The following ZFYVE9 variants were observed in gnomAD, a reference collection of about 807,000 sequenced individuals.
ZFYVE9 encodes zinc finger FYVE-type containing 9, also known as zinc finger FYVE domain-containing protein 9.
Under a neutral mutation model 126.7 loss-of-function variants are expected in ZFYVE9, and 43 were observed. The ratio of observed to expected loss-of-function variants is 0.34; its 90% confidence interval spans 0.27 to 0.44. ZFYVE9 has a LOEUF of 0.44. Among genes scored for constraint, ZFYVE9 ranks in the 20% least tolerant of loss-of-function variants. The pLI is 1.00. For synonymous variants in ZFYVE9, 521 were observed against 597.4 expected, an observed-to-expected ratio of 0.87 and a Z score of 1.87; for missense variants, 1,476 against 1,697.0, an observed-to-expected ratio of 0.87 and a Z score of 2.29.
chr1:52,300,255 A>T (rs896786081), intron 12 of ZFYVE9, among the ~76,000 whole-genome samples: 3 of 152,112 alleles, frequency 2.0e-5, no homozygotes, highest in Admixed American at 6.6e-5. Context: ...ACTCCAGTCA[A>T]CCATCTTGCT....
At chr1:52,337,420 G>C (rs1646399422) in intron 15 of ZFYVE9, among the ~76,000 whole-genome samples, 1 of 152,232 alleles carries the variant, frequency 6.6e-6, no homozygotes, top group Non-Finnish European at 1.5e-5. Context: ...TGAGAGAGAT[G>C]GAGATGCAAA....
chr1:52,233,416 G>T, intron 3 of ZFYVE9, 140 bp downstream of exon 3: 2 of 463,932 alleles, frequency 4.3e-6, no homozygotes, highest in South Asian at 9.0e-5. Flanking sequence ...TACAGGGGAA[G>T]AAATAACATT....
chr1:52,309,261 G>A (rs1402865810), intron 13 of ZFYVE9, among the ~76,000 whole-genome samples: 3 of 152,178 alleles, frequency 2.0e-5, no homozygotes, highest in Non-Finnish European at 4.4e-5. Context: ...CAGATTGCTT[G>A]AGCCTAGGAT....
intron 1 of ZFYVE9, among the ~76,000 whole-genome samples, chr1:52,212,024 A>G (rs1378843541): frequency 6.6e-5 from 10 of 152,186 alleles, no homozygotes; most frequent in Non-Finnish European, 1.5e-4. Context: ...ACGTTCCTTC[A>G]TATTACAGTT....
intron 4 of ZFYVE9, among the ~76,000 whole-genome samples, chr1:52,246,535 G>GGT (rs1553128445): frequency 1.1e-4 from 15 of 136,596 alleles, no homozygotes; most frequent in African/African-American, 4.0e-4. Context: ...TTTTTCCTGG[G>GGT]TTTTTTTTTT....
chr1:52,317,805 G>A (rs565888449), intron 13 of ZFYVE9, among the ~76,000 whole-genome samples: 8 of 152,092 alleles, frequency 5.3e-5, no homozygotes, highest in South Asian at 2.1e-4. Context: ...GTCAGTGTGC[G>A]TTCAACTTAG....
intron 1 of ZFYVE9, among the ~76,000 whole-genome samples, chr1:52,197,609 A>G (rs1644872859): frequency 2.2e-5 from 1 of 46,156 alleles, no homozygotes; most frequent in Non-Finnish European, 7.4e-5. Flanking sequence ...AAAAAAAAAT[A>G]GAAGAAAGTA....
chr1:52,290,378 A>G (rs1228896088), intron 10 of ZFYVE9, among the ~76,000 whole-genome samples: 1 of 152,180 alleles, frequency 6.6e-6, no homozygotes, highest in African/African-American at 2.4e-5. Flanking sequence ...TTTCCAACAC[A>G]TGCTTTTTGA....
intron 1 of ZFYVE9, among the ~76,000 whole-genome samples, chr1:52,215,928 C>G (rs1394702268): frequency 6.6e-6 from 1 of 152,070 alleles, no homozygotes; most frequent in Non-Finnish European, 1.5e-5. Context: ...AAAATCACAA[C>G]TGGAAACTTG....
intron 1 of ZFYVE9, among the ~76,000 whole-genome samples, chr1:52,168,854 C>T (rs1430681042): frequency 1.3e-5 from 2 of 152,084 alleles, no homozygotes; most frequent in Non-Finnish European, 2.9e-5. Flanking sequence ...GATGAGGTAT[C>T]AGGTTTCTTT....
At chr1:52,224,805 C>T (rs555140299) in intron 2 of ZFYVE9, among the ~76,000 whole-genome samples, 7 of 152,238 alleles carry the variant, frequency 4.6e-5, no homozygotes, top group South Asian at 4.1e-4. Flanking sequence ...CCCATCCTGG[C>T]GGTTGGTGAG....
intron 9 of ZFYVE9, among the ~76,000 whole-genome samples, chr1:52,279,357 TGTTAACTAACACACA>T (rs1336844083): frequency 1.3e-5 from 2 of 152,152 alleles, no homozygotes; most frequent in African/African-American, 4.8e-5. Flanking sequence ...TTAGGAAAAG[TGTTAACTAACACACA>T]GTAAAGCTTC....
intron 8 of ZFYVE9, among the ~76,000 whole-genome samples, chr1:52,275,127 A>G (rs1485802354): frequency 6.6e-6 from 1 of 152,194 alleles, no homozygotes. Context: ...TTCAAAGGGT[A>G]TATGTGCCAA....
chr1:52,326,693 CAAA>C (rs34479038), intron 13 of ZFYVE9, among the ~76,000 whole-genome samples: 15 of 102,932 alleles, frequency 1.5e-4, no homozygotes, highest in African/African-American at 5.2e-4. Flanking sequence ...TACTCAATAC[CAAA>C]AAAAAAAAAA....
intron 13 of ZFYVE9, among the ~76,000 whole-genome samples, chr1:52,309,315 A>G (rs1318436619): frequency 1.3e-5 from 2 of 152,116 alleles, no homozygotes; most frequent in African/African-American, 2.4e-5. Context: ...CATTTCTACA[A>G]AAAATACAAA....
At chr1:52,333,345 T>C (rs1004043693) in intron 14 of ZFYVE9, among the ~76,000 whole-genome samples, 1 of 151,986 alleles carries the variant, frequency 6.6e-6, no homozygotes, top group Admixed American at 6.5e-5. Flanking sequence ...GCTCTGGCAT[T>C]TGAAGGCACG....
intron 5 of ZFYVE9, among the ~76,000 whole-genome samples, chr1:52,265,118 A>T (rs1481948590): frequency 6.6e-6 from 1 of 152,186 alleles, no homozygotes; most frequent in East Asian, 1.9e-4. Context: ...CACATGGAAT[A>T]CTTACTTTTT....
Position 52,142,531 on chromosome 1 carries a change from C to T in ZFYVE9, c.-143+128C>T, listed in dbSNP as rs1241389957. On this transcript the variant is annotated intron_variant, in intron 1 of 18. Coordinates refer to ENST00000287727, the MANE Select transcript of ZFYVE9 (RefSeq NM_004799.4). This position sits in a 1 kb window ranked among gnomAD's most constrained non-coding sequence, Gnocchi z 4.5. ...CGGTCGCCTCCCCCACCCTGCGGTCCTGGGGCCTCAGCCCTTTCTCCCCGC... is the reference window on the plus strand; with the variant it reads ...CGGTCGCCTCCCCCACCCTGCGGTCTTGGGGCCTCAGCCCTTTCTCCCCGC... 2 of 152,192 alleles carry T rather than the reference C, an allele frequency of 1.3e-5. No homozygotes were observed. The highest frequency in any genetic ancestry group is 2.9e-5 in the Non-Finnish European group (2 of 68,050). 9.4% of individuals were successfully genotyped at this position (152,192 alleles called of 1,614,324 possible).
chr1:52,249,876 C>T (rs535799873), intron 4 of ZFYVE9, among the ~76,000 whole-genome samples: 15 of 152,280 alleles, frequency 9.9e-5, no homozygotes, highest in African/African-American at 3.6e-4. Flanking sequence ...AAAGACTGTT[C>T]TGTTCCTATG....
Sources: gnomAD v4.1 joint callset for allele counts (sites outside exome capture counted in the v4.1 genomes callset) on GRCh38, gnomAD v4.1.1 for gene constraint, Gnocchi (gnomAD v3.1) non-coding constraint, MANE v1.5 for transcripts, NCBI Gene and HGNC (gene_info 2026-07-23, HGNC 2026-07-21) for gene names.